The following SND1 variants were observed in gnomAD, a reference collection of about 807,000 sequenced individuals.
SND1 encodes the protein staphylococcal nuclease domain-containing protein 1.
In SND1, 38 loss-of-function variants were observed where a neutral mutation model predicts 121.7. The observed-to-expected ratio is 0.31, with a 90% CI of 0.24 to 0.41. The LOEUF (loss-of-function observed/expected upper bound fraction) is 0.41. Among genes scored for constraint, SND1 ranks in the 10% least tolerant of loss-of-function variants. The probability of loss-of-function intolerance (pLI) is 1.00; values close to 1 mark genes in which losing one functional copy is unlikely to be tolerated. For synonymous variants in SND1, 401 were observed against 447.4 expected (o/e 0.90, Z 1.31); for missense variants, 868 against 1,184.6 (o/e 0.73, Z 3.92).
At chr7:127,834,676 G>A (rs753008904) in intron 11 of SND1, among the ~76,000 whole-genome samples, 1 of 152,146 alleles carries the variant, frequency 6.6e-6, no homozygotes, top group Non-Finnish European at 1.5e-5. Flanking sequence ...TGTTTACTTA[G>A]CCACAAAACT....
chr7:127,973,937 C>G (rs955801453), intron 15 of SND1, among the ~76,000 whole-genome samples: 7 of 152,256 alleles, frequency 4.6e-5, no homozygotes, highest in African/African-American at 1.4e-4. Flanking sequence ...AGCTTGTGTA[C>G]AGCCTGGCTA....
chr7:128,065,954 G>A (rs1193688589), intron 16 of SND1, among the ~76,000 whole-genome samples: 3 of 152,238 alleles, frequency 2.0e-5, no homozygotes, highest in Non-Finnish European at 4.4e-5. Flanking sequence ...TCAGGGAAGA[G>A]TGTTAAATCT....
intron 15 of SND1, among the ~76,000 whole-genome samples, chr7:127,974,133 A>T (rs949210616): frequency 6.6e-6 from 1 of 152,240 alleles, no homozygotes; most frequent in African/African-American, 2.4e-5. Flanking sequence ...TTTAGCAAAA[A>T]TGATTTGTGT....
chr7:127,895,628 G>A (rs888439328), intron 13 of SND1, among the ~76,000 whole-genome samples: 3 of 152,080 alleles, frequency 2.0e-5, no homozygotes, highest in African/African-American at 7.2e-5. Flanking sequence ...GCAAGTGGAT[G>A]TGATAACAGG....
chr7:127,771,182 C>G (rs1330349638), intron 10 of SND1, among the ~76,000 whole-genome samples: 1 of 152,224 alleles, frequency 6.6e-6, no homozygotes, highest in Non-Finnish European at 1.5e-5. Flanking sequence ...CTGTGTGCCT[C>G]TGCCAATTGC....
chr7:127,961,513 G>A (rs571831346), intron 15 of SND1, among the ~76,000 whole-genome samples: 152 of 152,312 alleles, frequency 1.0e-3, no homozygotes, highest in Non-Finnish European at 1.6e-3. Flanking sequence ...TAAAAAACAC[G>A]TGCAAAAGCA....
intron 10 of SND1, among the ~76,000 whole-genome samples, chr7:127,749,227 G>A (rs1469942519): frequency 6.6e-6 from 1 of 151,988 alleles, no homozygotes; most frequent in Admixed American, 6.6e-5. Context: ...GTCTCACCAT[G>A]TTGCCCAGGC....
intron 1 of SND1, among the ~76,000 whole-genome samples, chr7:127,678,583 C>T (rs1487245199): frequency 6.6e-6 from 1 of 152,134 alleles, no homozygotes; most frequent in African/African-American, 2.4e-5. Flanking sequence ...AATACAAAAA[C>T]ACATACGCAC....
intron 15 of SND1, among the ~76,000 whole-genome samples, chr7:127,938,416 G>C (rs139787230): frequency 1.6e-3 from 244 of 152,300 alleles, no homozygotes; most frequent in African/African-American, 5.6e-3. Flanking sequence ...TACAAATAAT[G>C]TAAACAAGGA....
chr7:128,073,636 G>C (rs1793452946), intron 16 of SND1, among the ~76,000 whole-genome samples: 1 of 152,202 alleles, frequency 6.6e-6, no homozygotes, highest in African/African-American at 2.4e-5. Context: ...ATTAATACAA[G>C]TTTTTACATT....
At chr7:127,953,024 CATG>C (rs1328235513) in intron 15 of SND1, among the ~76,000 whole-genome samples, 12 of 151,972 alleles carry the variant, frequency 7.9e-5, no homozygotes, top group Non-Finnish European at 1.8e-4. Flanking sequence ...ATTAGCCAGA[CATG>C]GTGGTGTGCA....
intron 12 of SND1, among the ~76,000 whole-genome samples, chr7:127,849,030 T>A (rs1257422387): frequency 1.3e-5 from 2 of 152,186 alleles, no homozygotes; most frequent in African/African-American, 4.8e-5. Flanking sequence ...GCAAGAGTTG[T>A]TATCTGTTAA....
In SND1 at chr7:127,935,217, T is replaced by C. The variant is rs536705076; in HGVS notation, c.1669+5888T>C. 1.1e-3 allele frequency among the ~76,000 whole-genome samples: 160 copies of C among 152,212 alleles called. 1 individual carries two copies. Among genetic ancestry groups the C allele is most frequent in the African/African-American group, 3.5e-3 (147 of 41,534 alleles). On this transcript the variant is annotated intron_variant, in intron 15 of 23. Transcript: ENST00000354725. ...AAGTACAGATTGCACTTCCCTGATATCTAACAGAGAATGGAAAAGTAGTGC... is the reference window on the plus strand; with the variant it reads ...AAGTACAGATTGCACTTCCCTGATACCTAACAGAGAATGGAAAAGTAGTGC...
intron 10 of SND1, among the ~76,000 whole-genome samples, chr7:127,799,465 G>A (rs2402871): frequency 0.28 from 43,230 of 152,040 alleles, 7,733 homozygotes; most frequent in East Asian, 0.71. Context: ...CATGCTAATA[G>A]GGCCTTAAAG....
intron 10 of SND1, among the ~76,000 whole-genome samples, chr7:127,733,699 G>C (rs1796720676): frequency 6.6e-6 from 1 of 152,168 alleles, no homozygotes; most frequent in Non-Finnish European, 1.5e-5. Context: ...ACTGCTCTGA[G>C]GACAAAGATT....
chr7:127,956,704 C>G (rs952283394), intron 15 of SND1, among the ~76,000 whole-genome samples: 1 of 152,192 alleles, frequency 6.6e-6, no homozygotes, highest in African/African-American at 2.4e-5. Flanking sequence ...TTAGTTATCC[C>G]AGGCCTGAGT....
intron 17 of SND1, among the ~76,000 whole-genome samples, chr7:128,076,719 C>T (rs1793512428): frequency 1.3e-5 from 2 of 152,192 alleles, no homozygotes; most frequent in African/African-American, 4.8e-5. Flanking sequence ...AATGTTTGTG[C>T]CTGTAGCTAA....
At chr7:127,924,061 A>G (rs2116807837) in intron 14 of SND1, among the ~76,000 whole-genome samples, 1 of 151,892 alleles carries the variant, frequency 6.6e-6, no homozygotes, top group East Asian at 1.9e-4. Flanking sequence ...GGTTAGACCC[A>G]GACAGCACTG....
chr7:127,798,130 C>T (rs1798059576), intron 10 of SND1, among the ~76,000 whole-genome samples: 1 of 152,140 alleles, frequency 6.6e-6, no homozygotes, highest in Non-Finnish European at 1.5e-5. Context: ...TAATCATATG[C>T]TGTGCACTGG....
Sources: gnomAD v4.1 joint callset for allele counts (sites outside exome capture counted in the v4.1 genomes callset) on GRCh38, gnomAD v4.1.1 for gene constraint, MANE v1.5 for transcripts, NCBI Gene and HGNC (gene_info 2026-07-23, HGNC 2026-07-21) for gene names.